C8orf34: variants seen among roughly 807,000 people sequenced by gnomAD.
The protein encoded by C8orf34 is uncharacterized protein C8orf34.
In C8orf34, 65 loss-of-function variants were observed where a neutral mutation model predicts 68.3. The observed-to-expected ratio is 0.95, with a 90% CI of 0.78 to 1.17. The LOEUF is 1.17. Among genes scored for constraint, C8orf34 ranks in the 50% most tolerant of loss-of-function variants. The probability of loss-of-function intolerance (pLI) is 0.00; values close to 1 mark genes in which losing one functional copy is unlikely to be tolerated. For missense variants in C8orf34, 664 were observed against 655.4 expected (o/e 1.01, Z -0.14); for synonymous variants, 244 against 241.2 (o/e 1.01, Z -0.11).
In C8orf34 at chr8:68,640,415, T is replaced by C. The variant is rs1410826343; in HGVS notation, c.1145T>C (p.Leu382Pro). The stretch of plus-strand genomic sequence containing the variant: ...TTAAGAATGGAGGGAGTAACAACCC[T>C]GGTACCTTCTGGGAGCAAATTTAAC... ...NDLRMEGVTT[L>P]VPSGSKFNQG... is the part of the protein sequence containing the mutation. Residue 382 changes from leucine (L) to proline (P), a missense_variant, in exon 8 of 14, where the codon CTG becomes CCG. By Grantham distance (98) the Leu-to-Pro change is moderately conservative. Coordinates refer to ENST00000518698, the MANE Select transcript of C8orf34 (RefSeq NM_052958.4). 1.2e-6 allele frequency: 2 copies of C among 1,613,860 alleles called. No individual in the cohort carries two copies. Among genetic ancestry groups the C allele is most frequent in the South Asian group, 1.1e-5 (1 of 91,074 alleles).
At chr8:68,695,069 C>T (rs1217409213) in intron 8 of C8orf34, among the ~76,000 whole-genome samples, 1 of 151,528 alleles carries the variant, frequency 6.6e-6, no homozygotes, top group African/African-American at 2.4e-5. Context: ...ATACAACAAA[C>T]TTAATATCTA....
intron 11 of C8orf34, among the ~76,000 whole-genome samples, chr8:68,783,386 C>T (rs796363080): frequency 1.3e-4 from 20 of 152,126 alleles, no homozygotes; most frequent in African/African-American, 4.3e-4. Context: ...AGCATGGAGG[C>T]GTGTGCCTGC....
intron 1 of C8orf34, among the ~76,000 whole-genome samples, chr8:68,419,791 A>T (rs1809863614): frequency 7.4e-6 from 1 of 135,446 alleles, no homozygotes; most frequent in South Asian, 2.3e-4. Context: ...GAACACATGG[A>T]CACAGGAAGG....
chr8:68,642,125 G>A (rs373139650), intron 8 of C8orf34, among the ~76,000 whole-genome samples: 3 of 152,152 alleles, frequency 2.0e-5, no homozygotes, highest in Admixed American at 6.5e-5. Context: ...AGGCAGCATA[G>A]GTTGACAGTC....
At chr8:68,777,883 C>T (rs916353756) in intron 11 of C8orf34, among the ~76,000 whole-genome samples, 3 of 152,142 alleles carry the variant, frequency 2.0e-5, no homozygotes, top group Admixed American at 6.5e-5. Context: ...AAAATCTCTC[C>T]AGTTTATGAG....
intron 1 of C8orf34, among the ~76,000 whole-genome samples, chr8:68,407,818 A>T (rs1230996512): frequency 6.6e-6 from 1 of 152,062 alleles, no homozygotes; most frequent in Non-Finnish European, 1.5e-5. Flanking sequence ...TGAATTTATT[A>T]CTCAGTCCTT....
chr8:68,662,262 T>C (rs1438485145), intron 8 of C8orf34, among the ~76,000 whole-genome samples: 1 of 152,222 alleles, frequency 6.6e-6, no homozygotes, highest in Non-Finnish European at 1.5e-5. Context: ...CAGGTGATGC[T>C]GTTGACAATC....
chr8:68,551,266 A>T (rs1367454289), intron 7 of C8orf34, among the ~76,000 whole-genome samples: 1 of 151,630 alleles, frequency 6.6e-6, no homozygotes, highest in Non-Finnish European at 1.5e-5. Flanking sequence ...AAGCTCAGAG[A>T]TTCTTTTTTC....
At chr8:68,577,703 T>C (rs1358235985) in intron 7 of C8orf34, among the ~76,000 whole-genome samples, 1 of 151,760 alleles carries the variant, frequency 6.6e-6, no homozygotes, top group Non-Finnish European at 1.5e-5. Flanking sequence ...TGAATATGAG[T>C]AACATATAAG....
chr8:68,728,420 C>A (rs994142587), intron 10 of C8orf34, among the ~76,000 whole-genome samples: 2 of 152,202 alleles, frequency 1.3e-5, no homozygotes, highest in African/African-American at 4.8e-5. Flanking sequence ...CCAACCTCTG[C>A]CTGCTACCCA....
At chr8:68,726,267 T>G (rs1023917212) in intron 10 of C8orf34, among the ~76,000 whole-genome samples, 1 of 152,078 alleles carries the variant, frequency 6.6e-6, no homozygotes, top group Non-Finnish European at 1.5e-5. Flanking sequence ...GCAACAGTCT[T>G]GAGGGGACTG....
intron 3 of C8orf34, among the ~76,000 whole-genome samples, chr8:68,465,240 A>G (rs1211591285): frequency 6.6e-6 from 1 of 151,974 alleles, no homozygotes; most frequent in Non-Finnish European, 1.5e-5. Flanking sequence ...GCAAATCAAA[A>G]CTACAATGAG....
intron 7 of C8orf34, among the ~76,000 whole-genome samples, chr8:68,612,600 A>G (rs1818055430): frequency 6.6e-6 from 1 of 152,190 alleles, no homozygotes; most frequent in South Asian, 2.1e-4. Context: ...GACCTTTTAC[A>G]TATTTATACA....
chr8:68,458,286 G>A (rs1193734934), intron 3 of C8orf34, among the ~76,000 whole-genome samples: 1 of 152,136 alleles, frequency 6.6e-6, no homozygotes, highest in Non-Finnish European at 1.5e-5. Flanking sequence ...ACAATTTGTG[G>A]TTTCTCATGA....
In C8orf34 at chr8:68,439,405, A is replaced by G. The variant is rs530950266; in HGVS notation, c.328-94A>G. 3.7e-4 allele frequency: 437 copies of G among 1,188,112 alleles called. No individual in the cohort carries two copies. The African/African-American group carries it at 5.6e-3, about 15-fold the overall frequency. 73.6% of individuals were successfully genotyped at this position (1,188,112 alleles called of 1,614,324 possible). On this transcript the variant is annotated intron_variant, in intron 1 of 13. Transcript: ENST00000518698. ...TAGTTGCTGTATATAAAGCAGTTAG[A>G]CCAGTACCTGACAATATTACATGCT...
chr8:68,678,873 A>AC (rs1453787954), intron 8 of C8orf34, among the ~76,000 whole-genome samples: 1 of 152,044 alleles, frequency 6.6e-6, no homozygotes, highest in Non-Finnish European at 1.5e-5. Flanking sequence ...AAAAAAAAAA[A>AC]AAACTGTTAG....
chr8:68,478,058 TA>T (rs1812698964), intron 4 of C8orf34, among the ~76,000 whole-genome samples: 1 of 152,226 alleles, frequency 6.6e-6, no homozygotes, highest in African/African-American at 2.4e-5. Flanking sequence ...TCTTGGTGAA[TA>T]GCATTCAGCT....
intron 10 of C8orf34, among the ~76,000 whole-genome samples, chr8:68,751,608 C>T (rs987875334): frequency 1.3e-5 from 2 of 152,102 alleles, no homozygotes; most frequent in Non-Finnish European, 2.9e-5. Flanking sequence ...GCTTAAATTA[C>T]AGTCAGCCTC....
chr8:68,686,663 A>G (rs11989752), intron 8 of C8orf34, among the ~76,000 whole-genome samples: 11,213 of 152,232 alleles, frequency 0.074, 610 homozygotes, highest in African/African-American at 0.15. Flanking sequence ...CACCCAGTCA[A>G]CATCATACTA....
Sources: gnomAD v4.1 joint callset for allele counts (sites outside exome capture counted in the v4.1 genomes callset) on GRCh38, gnomAD v4.1.1 for gene constraint, MANE v1.5 for transcripts, NCBI Gene and HGNC (gene_info 2026-07-23, HGNC 2026-07-21) for gene names.